LCTL: variants seen among roughly 807,000 people sequenced by gnomAD.
LCTL encodes the protein lactase like.
LCTL carries 76 observed loss-of-function variants against 75.8 expected under a neutral mutation model. The ratio of observed to expected loss-of-function variants is 1.00; its 90% CI spans 0.83 to 1.21. The LOEUF is 1.21. LCTL is among the 50% of genes most tolerant of loss of function. The probability of loss-of-function intolerance (pLI) is 0.00; values close to 1 mark genes in which losing one functional copy is unlikely to be tolerated. For missense variants in LCTL, 670 were observed against 712.4 expected (o/e 0.94, Z 0.68); for synonymous variants, 271 against 268.8 (o/e 1.01, Z -0.08).
exon 9 of LCTL, chr15:66,553,221 C>A (rs1466235555): frequency 1.9e-6 from 3 of 1,600,594 alleles, no homozygotes; most frequent in Non-Finnish European, 8.5e-7. Context: ...ACACCGGTAA[C>A]CTCGACATCT....
At chr15:66,565,857 C>T (rs1347490075), upstream of LCTL, 1 of 159,104 alleles carries the variant, frequency 6.3e-6, no homozygotes, top group Non-Finnish European at 1.4e-5. Flanking sequence ...GCCAGCTTAC[C>T]CAGGATCGTC....
At chr15:66,554,445 G>A (rs1255867372) in intron 8 of LCTL, among the ~76,000 whole-genome samples, 2 of 152,062 alleles carry the variant, frequency 1.3e-5, no homozygotes, top group African/African-American at 4.8e-5. Flanking sequence ...GGCAACAAGA[G>A]CAAAACTCCA....
intron 4 of LCTL, 119 bp from the exon 6 acceptor site, chr15:66,561,434 C>T (rs1895887285): frequency 3.6e-6 from 4 of 1,099,058 alleles, no homozygotes; most frequent in South Asian, 1.4e-5. Context: ...GAGACTGGGA[C>T]TCTCATGCCT....
intron 6 of LCTL, among the ~76,000 whole-genome samples, chr15:66,558,687 G>GTTTTTTTTTTTT (rs11354993): frequency 2.0e-5 from 2 of 97,562 alleles, no homozygotes; most frequent in Non-Finnish European, 2.0e-5. Context: ...GTGTGTGTGT[G>GTTTTTTTTTTTT]TTTTTTTTTT....
intron 12 of LCTL, 56 bp from the exon 14 acceptor site, chr15:66,548,661 T>TA (rs1895475046): frequency 1.7e-5 from 15 of 896,346 alleles, no homozygotes; most frequent in Non-Finnish European, 2.8e-5. Flanking sequence ...TTTTAGTAAA[T>TA]ACAGCTTTAT....
At position 66,565,401 on chromosome 15, in the gene LCTL, G is replaced by A. The variant is rs1294083867; in HGVS notation, c.-36C>T. The A allele has an allele frequency of 2.2e-6, 3 of 1,382,546 alleles. No homozygotes were observed. Among genetic ancestry groups the A allele is most frequent in the Non-Finnish European group, 3.0e-6 (3 of 989,108 alleles). The allele number at this position is 1,382,546 out of a possible 1,614,324, so 85.6% of individuals were successfully genotyped here. On this transcript the variant is annotated 5_prime_UTR_variant, in exon 1 of 13. Coordinates refer to ENST00000341509, the Ensembl canonical transcript of LCTL. ...CCTCCCCCATACCTGAAAAAGTGCA[G>A]CTGGCTCTGCAGGCCCCTGCAGCCA...
At chr15:66,552,748 T>G (rs1895640643) in intron 9 of LCTL, among the ~76,000 whole-genome samples, 1 of 150,804 alleles carries the variant, frequency 6.6e-6, no homozygotes, top group South Asian at 2.1e-4. Context: ...CCAGTTTAGG[T>G]GTGAAGGACA....
At chr15:66,552,543 C>T (rs1292600318) in intron 9 of LCTL, among the ~76,000 whole-genome samples, 16 of 151,934 alleles carry the variant, frequency 1.1e-4, no homozygotes, top group Admixed American at 7.9e-4. Flanking sequence ...TGGTGGCATA[C>T]GCCTGTAATC....
chr15:66,564,520 C>A, intron 2 of LCTL, 156 bp downstream of exon 3: 1 of 839,460 alleles, frequency 1.2e-6, no homozygotes, highest in Admixed American at 2.9e-5. Context: ...GCCCTGCCCC[C>A]TCTGGCTGCA....
chr15:66,565,291 C>A, exon 1 of LCTL: 1 of 1,613,736 alleles, frequency 6.2e-7, no homozygotes, highest in Non-Finnish European at 8.5e-7. Context: ...CTTCTGGGGA[C>A]CCCTTCCGGG....
intron 8 of LCTL, among the ~76,000 whole-genome samples, chr15:66,553,627 C>T (rs573817379): frequency 2.6e-5 from 4 of 151,782 alleles, no homozygotes; most frequent in Non-Finnish European, 5.9e-5. Context: ...TGGTGGCAGC[C>T]GCCTGTAGTC....
At chr15:66,556,162 C>T (rs1443193650) in intron 8 of LCTL, among the ~76,000 whole-genome samples, 2 of 152,146 alleles carry the variant, frequency 1.3e-5, no homozygotes, top group African/African-American at 4.8e-5. Context: ...TGGGTATATT[C>T]CCCAAATAAC....
intron 9 of LCTL, 76 bp from the exon 11 acceptor site, chr15:66,552,245 A>G: frequency 2.5e-6 from 3 of 1,205,666 alleles, no homozygotes; most frequent in Non-Finnish European, 3.5e-6. Flanking sequence ...AGGCTCATAT[A>G]GGAACACATA....
chr15:66,553,066 A>G, exon 9 of LCTL: 1 of 1,605,084 alleles, frequency 6.2e-7, no homozygotes, highest in South Asian at 1.1e-5. Context: ...GTTTGGGTCA[A>G]CCAGCTCTAT....
chr15:66,564,570 T>C (rs1303268673), intron 2 of LCTL, 106 bp downstream of exon 3: 1 of 1,303,418 alleles, frequency 7.7e-7, no homozygotes, highest in African/African-American at 1.5e-5. Flanking sequence ...GGGATGACAT[T>C]GTCATCAGAG....
chr15:66,562,256 A>G (rs1895907014), intron 4 of LCTL, among the ~76,000 whole-genome samples: 1 of 152,072 alleles, frequency 6.6e-6, no homozygotes, highest in Admixed American at 6.5e-5. Flanking sequence ...TACAAAAATT[A>G]GCCGGGCGTG....
exon 4 of LCTL, chr15:66,563,547 A>T: frequency 6.2e-7 from 1 of 1,612,356 alleles, no homozygotes; most frequent in Non-Finnish European, 8.5e-7. Context: ...CAAGGTCACG[A>T]TGGGAGTGAT....
intron 3 of LCTL, 32 bp downstream of exon 4, chr15:66,563,879 A>G (rs1451189865): frequency 6.4e-7 from 1 of 1,557,508 alleles, no homozygotes; most frequent in African/African-American, 1.4e-5. Flanking sequence ...AAGGGGCCTC[A>G]CTTGGGTTCA....
At chr15:66,554,327 T>C (rs992329864) in intron 8 of LCTL, among the ~76,000 whole-genome samples, 1 of 142,522 alleles carries the variant, frequency 7.0e-6, no homozygotes, top group African/African-American at 2.6e-5. Context: ...GGCTTGGTGG[T>C]GGGCATCTGT....
Sources: allele counts gnomAD v4.1 joint callset (sites outside exome capture counted in the v4.1 genomes callset), GRCh38; gene constraint gnomAD v4.1.1; transcripts MANE v1.5; gene names NCBI Gene and HGNC (gene_info 2026-07-23, HGNC 2026-07-21).